The following S100A10 variants were observed in gnomAD, a reference collection of about 807,000 sequenced individuals.
The protein encoded by S100A10 is S100 calcium binding protein A10.
Under a neutral mutation model 7.1 loss-of-function variants are expected in S100A10, and 3 were observed. The observed-to-expected ratio is 0.42, with a 90% CI of 0.19 to 1.10. The LOEUF (loss-of-function observed/expected upper bound fraction) is 1.10. Among genes scored for constraint, S100A10 ranks in the 50% least tolerant of loss-of-function variants. The probability of loss-of-function intolerance (pLI) is 0.29; values close to 1 mark genes in which losing one functional copy is unlikely to be tolerated. For synonymous variants in S100A10, 41 were observed against 39.3 expected, an observed-to-expected ratio of 1.04 and a Z score of -0.16; for missense variants, 101 against 118.1, an observed-to-expected ratio of 0.86 and a Z score of 0.67.
chr1:151,990,836 G>C (rs1168866877), intron 1 of S100A10, among the ~76,000 whole-genome samples: 3 of 152,104 alleles, frequency 2.0e-5, no homozygotes, highest in African/African-American at 7.2e-5. Flanking sequence ...TTTTGAGCAG[G>C]GTCCCAATAG....
chr1:151,987,510 G>C (rs1375144291), intron 1 of S100A10, among the ~76,000 whole-genome samples: 1 of 149,522 alleles, frequency 6.7e-6, no homozygotes, highest in East Asian at 2.0e-4. Context: ...GCTTACAAAT[G>C]AATTTATCTG....
At chr1:151,987,153 C>CGTG (rs1162874855) in intron 1 of S100A10, among the ~76,000 whole-genome samples, 1 of 148,972 alleles carries the variant, frequency 6.7e-6, no homozygotes, top group Non-Finnish European at 1.5e-5. Context: ...TACAGGCGTC[C>CGTG]GCCACCATGT....
At chr1:151,985,287 C>T (rs1395175107) in intron 2 of S100A10, 2 of 152,218 alleles carry the variant, frequency 1.3e-5, no homozygotes, top group East Asian at 1.9e-4. Context: ...ACTATTTTGT[C>T]ATGCAATGTT....
At chr1:151,990,799 G>C (rs963709996) in intron 1 of S100A10, among the ~76,000 whole-genome samples, 1 of 152,186 alleles carries the variant, frequency 6.6e-6, no homozygotes, top group Non-Finnish European at 1.5e-5. Context: ...TTGTGTTTCT[G>C]TTTCTTTCCT....
chr1:151,987,808 G>A (rs567608519), intron 1 of S100A10, among the ~76,000 whole-genome samples: 3 of 152,270 alleles, frequency 2.0e-5, no homozygotes, highest in South Asian at 2.1e-4. Flanking sequence ...GATTACAGGC[G>A]TGAGCCACTA....
chr1:151,993,515 C>T lies in S100A10; in HGVS notation c.-22+237G>A, dbSNP rs1430807526. Among the ~76,000 whole-genome samples, 1 of 152,198 alleles carries T rather than the reference C, an allele frequency of 6.6e-6. No individual in the cohort carries two copies. On this transcript the variant is annotated intron_variant, in intron 1 of 2. Transcript: ENST00000368811. The surrounding 1 kb of genome is among the most constrained non-coding windows in gnomAD (Gnocchi z 5.1). ...CGGTCCCCTCCTAAAGAACAAGTGC[C>T]CCCTCCTCTGGTCCGCGTGGGTCTG...
At position 151,983,127 on chromosome 1, in the gene S100A10, A is replaced by T. The variant is rs1655728912; in HGVS notation, c.*36T>A. 6.8e-7 allele frequency: 1 copy of T among 1,464,476 alleles called. No individual in the cohort carries two copies. Among genetic ancestry groups the T allele is most frequent in the Non-Finnish European group, 9.0e-7 (1 of 1,106,038 alleles). 90.7% of individuals were successfully genotyped at this position (1,464,476 alleles called of 1,614,324 possible). On this transcript the variant is annotated 3_prime_UTR_variant, in exon 3 of 3. Transcript: ENST00000368811. ...ATTCCTTAAGCGACCCTTTGGGACA[A>T]CTCTTATCAGGGAGGAGCGAACTGC...
chr1:151,990,660 TAGGCATG>T (rs1275493296), intron 1 of S100A10, among the ~76,000 whole-genome samples: 1 of 152,208 alleles, frequency 6.6e-6, no homozygotes, highest in Non-Finnish European at 1.5e-5. Context: ...GACATGGTGT[TAGGCATG>T]AGGGTGTTCA....
rs1401414675 is a variant in S100A10, at chr1:151,993,649, G to A, written c.-22+103C>T. On this transcript the variant is annotated intron_variant, in intron 1 of 2. Coordinates refer to ENST00000368811, the MANE Select transcript of S100A10 (RefSeq NM_002966.3). This position sits in a 1 kb window ranked among gnomAD's most constrained non-coding sequence, Gnocchi z 5.1. ...CAGCCGCTCCCCGCCCAGCCCCGCG[G>A]TGCTCCGGACGCCCCGCGAAGCCGG... The A allele has an allele frequency of 2.0e-5, 3 of 152,416 alleles. No homozygotes were observed. The highest frequency in any genetic ancestry group is 2.9e-5 in the Non-Finnish European group (2 of 68,260). 9.4% of individuals were successfully genotyped at this position (152,416 alleles called of 1,614,324 possible).
intron 1 of S100A10, among the ~76,000 whole-genome samples, chr1:151,990,545 C>G (rs1349761972): frequency 1.3e-5 from 2 of 152,190 alleles, no homozygotes; most frequent in African/African-American, 4.8e-5. Context: ...GCATAGTTTT[C>G]TCTATGGAAA....
At chr1:151,984,373 G>A (rs1252343441) in intron 2 of S100A10, among the ~76,000 whole-genome samples, 1 of 152,116 alleles carries the variant, frequency 6.6e-6, no homozygotes, top group Non-Finnish European at 1.5e-5. Flanking sequence ...AGCTAAACGT[G>A]CTCTATGCAG....
At chr1:151,986,290 T>C in intron 1 of S100A10, 39 bp from the exon 2 acceptor site, 2 of 1,446,058 alleles carry the variant, frequency 1.4e-6, no homozygotes, top group South Asian at 1.4e-5. Flanking sequence ...TACATTAACT[T>C]TTTTTGGCAG....
At chr1:151,986,273 CAG>C in intron 1 of S100A10, 22 bp from the exon 2 acceptor site, 1 of 1,539,416 alleles carries the variant, frequency 6.5e-7, no homozygotes, top group Admixed American at 2.3e-5. Flanking sequence ...TGTAAAGTAA[CAG>C]GGTCTACATT....
At position 151,993,469 on chromosome 1, in the gene S100A10, G is replaced by A. The variant is rs1655952159; in HGVS notation, c.-22+283C>T. On this transcript the variant is annotated intron_variant, in intron 1 of 2. Coordinates refer to ENST00000368811, the MANE Select transcript of S100A10 (RefSeq NM_002966.3). The surrounding 1 kb of genome is among the most constrained non-coding windows in gnomAD (Gnocchi z 5.1). Reference sequence around the variant, plus strand: ...GCAAACATAAAGGGAGGAGGGAAGAGGTTCAGGCGCACCAATACCACGGTC... The same window carrying A: ...GCAAACATAAAGGGAGGAGGGAAGAAGTTCAGGCGCACCAATACCACGGTC... Among the ~76,000 whole-genome samples the A allele has an allele frequency of 3.3e-5, 5 of 152,318 alleles. No homozygotes were observed. In the South Asian group the frequency reaches 1.0e-3, roughly 32 times the overall value.
Position 151,988,619 on chromosome 1 carries a change from T to C in S100A10, c.-21-2368A>G, listed in dbSNP as rs1468960676. ...ATAAATCAGAATCTGGCATGAGTCA[T>C]CTGAAAGGCAGTTAGTTATCTTGGA... On this transcript the variant is annotated intron_variant, in intron 1 of 2. Coordinates refer to ENST00000368811, the MANE Select transcript of S100A10 (RefSeq NM_002966.3). Among the ~76,000 whole-genome samples the C allele has an allele frequency of 5.3e-5, 8 of 152,354 alleles. No individual in the cohort carries two copies. In the East Asian group the frequency reaches 1.5e-3, roughly 29 times the overall value.
chr1:151,985,347 A>G (rs1237177487), intron 2 of S100A10: 1 of 152,208 alleles, frequency 6.6e-6, no homozygotes, highest in African/African-American at 2.4e-5. Flanking sequence ...TGGAATATAA[A>G]AGGACAACTG....
rs186867260 is a variant in S100A10 at position 151,992,134 on chromosome 1, G to A, written c.-22+1618C>T. Among the ~76,000 whole-genome samples the A allele has an allele frequency of 1.9e-3, 290 of 152,250 alleles. 1 individual carries two copies. The highest frequency in any genetic ancestry group is 3.2e-3 in the Non-Finnish European group (217 of 68,024). On this transcript the variant is annotated intron_variant, in intron 1 of 2. Transcript: ENST00000368811. ...CTGGATAGGAATCTGTGGGGGCAGG[G>A]CCGATGAAGAAACTTCCAATAAGTT...
chr1:151,983,335 AAAG>A lies in S100A10; in HGVS notation c.133-14_133-12del. The A allele has an allele frequency of 6.6e-7, 1 of 1,522,182 alleles. No individual in the cohort carries two copies. The highest frequency in any genetic ancestry group is 8.8e-7 in the Non-Finnish European group (1 of 1,139,554). The allele number at this position is 1,522,182 out of a possible 1,614,324, so 94.3% of individuals were successfully genotyped here. A position where few individuals can be genotyped will look rare whatever the true frequency, so the allele number is the denominator to read the frequency against. On this transcript the variant is annotated splice_polypyrimidine_tract_variant and intron_variant, in intron 2 of 2. Transcript: ENST00000368811. ...AGGGTCTTTTTGATTCTGAAAAAAA[AAAG>A]AACAAAGGCAAGAAATAGAAGTCAA... is the stretch of plus-strand genomic sequence containing the variant.
At chr1:151,989,343 C>A (rs771972838) in intron 1 of S100A10, among the ~76,000 whole-genome samples, 1 of 152,122 alleles carries the variant, frequency 6.6e-6, no homozygotes, top group Non-Finnish European at 1.5e-5. Context: ...CCTCCCCCAG[C>A]GGTTTTATTC....
Sources: gnomAD v4.1 joint callset for allele counts (sites outside exome capture counted in the v4.1 genomes callset) on GRCh38, gnomAD v4.1.1 for gene constraint, Gnocchi (gnomAD v3.1) non-coding constraint, MANE v1.5 for transcripts, NCBI Gene and HGNC (gene_info 2026-07-23, HGNC 2026-07-21) for gene names.